Variants in SNTB1 observed in about 807,000 individuals in gnomAD.
SNTB1 encodes beta-1-syntrophin.
A neutral mutation model predicts 48.9 loss-of-function variants in SNTB1; 36 were observed. That is an observed-to-expected ratio of 0.74 (90% CI 0.56 to 0.97). SNTB1 has a LOEUF of 0.97. Among genes scored for constraint, SNTB1 ranks in the 50% least tolerant of loss-of-function variants. SNTB1 has a pLI of 0.00. For missense variants in SNTB1, 786 were observed against 703.4 expected (o/e 1.12, Z -1.33); for synonymous variants, 299 against 294.6 (o/e 1.01, Z -0.15).
intron 4 of SNTB1, among the ~76,000 whole-genome samples, chr8:120,566,814 G>A (rs1039633831): frequency 7.9e-5 from 12 of 152,172 alleles, no homozygotes; most frequent in African/African-American, 2.2e-4. Context: ...GAAACTCTAG[G>A]TCTCTGATTC....
chr8:120,791,677 CA>C (rs1820038941), intron 1 of SNTB1, among the ~76,000 whole-genome samples: 1 of 151,818 alleles, frequency 6.6e-6, no homozygotes, highest in South Asian at 2.1e-4. Flanking sequence ...AGAAGATATA[CA>C]AATTCCAACA....
At chr8:120,710,734 T>C (rs1818447807) in intron 1 of SNTB1, among the ~76,000 whole-genome samples, 1 of 152,224 alleles carries the variant, frequency 6.6e-6, no homozygotes, top group Admixed American at 6.5e-5. Context: ...CAGCAGGGAA[T>C]GAGATCCTCC....
intron 4 of SNTB1, among the ~76,000 whole-genome samples, chr8:120,551,022 C>G (rs1334203377): frequency 6.6e-6 from 1 of 152,102 alleles, no homozygotes; most frequent in Non-Finnish European, 1.5e-5. Context: ...CTTTGGGAGG[C>G]CGAGGTGGAT....
chr8:120,602,920 G>T (rs1435027960), intron 3 of SNTB1, among the ~76,000 whole-genome samples: 2 of 151,832 alleles, frequency 1.3e-5, no homozygotes, highest in Non-Finnish European at 2.9e-5. Context: ...ATTAATAGCT[G>T]TTTAAAAGTC....
intron 1 of SNTB1, among the ~76,000 whole-genome samples, chr8:120,708,855 A>C (rs1002938859): frequency 3.9e-5 from 6 of 152,202 alleles, no homozygotes; most frequent in Admixed American, 2.6e-4. Flanking sequence ...AAATAAAACC[A>C]AATTGACATC....
chr8:120,607,923 A>G (rs1460550921), intron 3 of SNTB1, among the ~76,000 whole-genome samples: 1 of 152,248 alleles, frequency 6.6e-6, no homozygotes, highest in Non-Finnish European at 1.5e-5. Flanking sequence ...AAATGGCTTT[A>G]TTGCCAACAG....
intron 2 of SNTB1, among the ~76,000 whole-genome samples, chr8:120,661,419 C>T (rs1407796945): frequency 6.6e-6 from 1 of 152,098 alleles, no homozygotes; most frequent in Non-Finnish European, 1.5e-5. Context: ...AAATTATTTG[C>T]CCAAGGTCAC....
At chr8:120,681,090 G>C (rs1411611701) in intron 2 of SNTB1, among the ~76,000 whole-genome samples, 1 of 152,098 alleles carries the variant, frequency 6.6e-6, no homozygotes, top group Non-Finnish European at 1.5e-5. Flanking sequence ...ATGATAATTA[G>C]GATGAATGCT....
intron 5 of SNTB1, among the ~76,000 whole-genome samples, chr8:120,546,576 A>G (rs541834955): frequency 2.0e-5 from 3 of 152,092 alleles, no homozygotes; most frequent in Non-Finnish European, 2.9e-5. Flanking sequence ...CCTGGGTTCA[A>G]GCGATTTTCC....
chr8:120,686,070 CA>C, intron 2 of SNTB1, among the ~76,000 whole-genome samples: 1 of 152,200 alleles, frequency 6.6e-6, no homozygotes, highest in African/African-American at 2.4e-5. Context: ...ACCATGGCCA[CA>C]TAAGATAATT....
intron 2 of SNTB1, among the ~76,000 whole-genome samples, chr8:120,678,206 G>C (rs1430601340): frequency 6.7e-6 from 1 of 149,738 alleles, no homozygotes; most frequent in Non-Finnish European, 1.5e-5. Context: ...CTTCCACTGA[G>C]AACAGTTACT....
rs76013281 is a variant in SNTB1, at chr8:120,553,174, G to T, written c.1137-4216C>A. 6.6e-3 allele frequency among the ~76,000 whole-genome samples: 1,007 copies of T among 152,274 alleles called. 10 individuals are homozygous for T. The Middle Eastern group carries it at 0.068, about 10-fold the overall frequency. On this transcript the variant is annotated intron_variant, in intron 4 of 6. Transcript: ENST00000517992. Reference sequence around the variant, plus strand: ...TCCTGTTTTACAGGAAGGACTGTTGGTGTTCTGTATTATTCATCTCATCAT... The same window carrying T: ...TCCTGTTTTACAGGAAGGACTGTTGTTGTTCTGTATTATTCATCTCATCAT...
chr8:120,655,876 C>A (rs1817494009), intron 2 of SNTB1, among the ~76,000 whole-genome samples: 1 of 152,188 alleles, frequency 6.6e-6, no homozygotes, highest in African/African-American at 2.4e-5. Context: ...ACTCCATCAT[C>A]TGGAAGGCAG....
At chr8:120,768,426 A>G (rs375351585) in intron 1 of SNTB1, among the ~76,000 whole-genome samples, 1 of 152,216 alleles carries the variant, frequency 6.6e-6, no homozygotes, top group South Asian at 2.1e-4. Flanking sequence ...CGTGTGTGCA[A>G]ATAACACTAG....
intron 3 of SNTB1, among the ~76,000 whole-genome samples, chr8:120,600,338 C>T (rs1816402337): frequency 1.3e-5 from 2 of 152,338 alleles, no homozygotes; most frequent in South Asian, 2.1e-4. Context: ...AACAAAGGTG[C>T]TCCAGTTGAC....
At chr8:120,600,417 G>A (rs763665989) in intron 3 of SNTB1, among the ~76,000 whole-genome samples, 11 of 152,146 alleles carry the variant, frequency 7.2e-5, no homozygotes, top group African/African-American at 4.8e-5. Flanking sequence ...CATCTTGGAT[G>A]GTACAGCTCA....
chr8:120,619,550 C>G (rs1816762566), intron 3 of SNTB1, among the ~76,000 whole-genome samples: 1 of 152,176 alleles, frequency 6.6e-6, no homozygotes, highest in African/African-American at 2.4e-5. Flanking sequence ...CCATCAAGCT[C>G]TCTTTGGAAA....
chr8:120,539,679 G>A (rs1815253599), intron 6 of SNTB1, among the ~76,000 whole-genome samples: 1 of 152,172 alleles, frequency 6.6e-6, no homozygotes, highest in Admixed American at 6.5e-5. Context: ...CTAATTTAGG[G>A]AAATTGGGAG....
intron 3 of SNTB1, among the ~76,000 whole-genome samples, chr8:120,611,858 C>T (rs189825209): frequency 6.8e-6 from 1 of 147,030 alleles, no homozygotes; most frequent in East Asian, 2.0e-4. Flanking sequence ...CAGTGCCAGA[C>T]GTGTGGCAAA....
Sources: gnomAD v4.1 joint callset for allele counts (sites outside exome capture counted in the v4.1 genomes callset) on GRCh38, gnomAD v4.1.1 for gene constraint, MANE v1.5 for transcripts, NCBI Gene and HGNC (gene_info 2026-07-23, HGNC 2026-07-21) for gene names.